Variants in DOK4 observed in about 807,000 individuals in gnomAD.
The protein encoded by DOK4 is downstream of tyrosine kinase 4.
DOK4 carries 26 observed loss-of-function variants against 40.1 expected under a neutral mutation model. The observed-to-expected ratio is 0.65, with a 90% CI of 0.48 to 0.90. The LOEUF (loss-of-function observed/expected upper bound fraction) is 0.90. Among genes scored for constraint, DOK4 ranks in the 40% least tolerant of loss-of-function variants. DOK4 has a pLI of 0.00. For synonymous variants in DOK4, 179 were observed against 177.0 expected (o/e 1.01, Z -0.09); for missense variants, 392 against 437.2 (o/e 0.90, Z 0.92).
intron 4 of DOK4, 97 bp downstream of exon 4, chr16:57,475,409 T>C: frequency 7.2e-7 from 1 of 1,384,438 alleles, no homozygotes; most frequent in Non-Finnish European, 9.9e-7. Flanking sequence ...CACCACCATC[T>C]CCACCCAGGG....
In DOK4 at chr16:57,479,118, C is replaced by T. The variant is rs1460895777; in HGVS notation, c.66+324G>A. Reference sequence around the variant, plus strand: ...GACACAGCCCGGCCTTGCCAGCCGCCCCTGCTGCTGCTGTGGTGACAACTT... The same window carrying T: ...GACACAGCCCGGCCTTGCCAGCCGCTCCTGCTGCTGCTGTGGTGACAACTT... On this transcript the variant is annotated intron_variant, in intron 2 of 8. Coordinates refer to ENST00000340099, the Ensembl canonical transcript of DOK4. This position sits in a 1 kb window ranked among gnomAD's most constrained non-coding sequence, Gnocchi z 5.8. 2.6e-5 allele frequency among the ~76,000 whole-genome samples: 4 copies of T among 152,188 alleles called. No homozygotes were observed. Among genetic ancestry groups the T allele is most frequent in the Admixed American group, 6.5e-5 (1 of 15,288 alleles).
Position 57,479,373 on chromosome 16 carries a change from C to A in DOK4, c.66+69G>T, listed in dbSNP as rs1232687490. On this transcript the variant is annotated intron_variant, in intron 2 of 8. Transcript: ENST00000340099. The surrounding 1 kb of genome is among the most constrained non-coding windows in gnomAD (Gnocchi z 5.8). ...CCGCGTGCCCCACGCGCCATGCCTC[C>A]AAGCCTGGGACCGAGTCCTCGGGCC... is the stretch of plus-strand genomic sequence containing the variant. The A allele has an allele frequency of 4.4e-6, 7 of 1,577,362 alleles. No individual in the cohort carries two copies. Among genetic ancestry groups the A allele is most frequent in the Non-Finnish European group, 5.2e-6 (6 of 1,154,844 alleles).
intron 1 of DOK4, among the ~76,000 whole-genome samples, chr16:57,482,337 A>G (rs2146667215): frequency 6.7e-6 from 1 of 149,020 alleles, no homozygotes; most frequent in Non-Finnish European, 1.5e-5. Context: ...AATTTTTAAA[A>G]ACTTGTTTGT....
exon 9 of DOK4, chr16:57,473,245 G>A: frequency 2.2e-6 from 3 of 1,357,290 alleles, no homozygotes; most frequent in Non-Finnish European, 2.0e-6. Context: ...ATCCTTGGGG[G>A]CAAGGAGGGG....
intron 2 of DOK4, among the ~76,000 whole-genome samples, chr16:57,477,496 A>G (rs1046028226): frequency 2.6e-5 from 4 of 152,244 alleles, no homozygotes; most frequent in Non-Finnish European, 5.9e-5. Flanking sequence ...GGATGGATGA[A>G]TGGATGGATG....
chr16:57,485,261 C>T lies in DOK4; in HGVS notation c.-182+1044G>A, dbSNP rs778888962. 7.9e-5 allele frequency among the ~76,000 whole-genome samples: 12 copies of T among 152,222 alleles called. No individual in the cohort carries two copies. The highest frequency in any genetic ancestry group is 1.8e-4 in the Non-Finnish European group (12 of 68,036). On this transcript the variant is annotated intron_variant, in intron 1 of 8. Coordinates refer to ENST00000340099, the Ensembl canonical transcript of DOK4. The surrounding 1 kb of genome is among the most constrained non-coding windows in gnomAD (Gnocchi z 4.3). ...GACATCGAGGCCAGGCCTAGTTGGG[C>T]GGCCCCACCTTGGCCAGGGTTGTGG...
chr16:57,474,849 G>C (rs2031068768), exon 6 of DOK4: 1 of 1,614,208 alleles, frequency 6.2e-7, no homozygotes, highest in Non-Finnish European at 8.5e-7. Context: ...GCAGTGAGCA[G>C]AGGGGCCACG....
At chr16:57,475,300 G>A in intron 4 of DOK4, 81 bp from the exon 5 acceptor site, 7 of 1,562,550 alleles carry the variant, frequency 4.5e-6, no homozygotes, top group South Asian at 1.2e-5. Context: ...ATGCCACCAT[G>A]CACAGCAGGG....
chr16:57,474,953 G>C (rs2031075355), exon 6 of DOK4: 3 of 1,612,536 alleles, frequency 1.9e-6, no homozygotes, highest in Non-Finnish European at 2.5e-6. Flanking sequence ...TCCAGGTTGG[G>C]GCAGGGCAGC....
intron 1 of DOK4, among the ~76,000 whole-genome samples, chr16:57,483,064 T>A (rs1184341483): frequency 6.6e-6 from 1 of 152,166 alleles, no homozygotes; most frequent in African/African-American, 2.4e-5. Context: ...ACTCCGGCCC[T>A]GAGTCACAGG....
intron 2 of DOK4, chr16:57,476,299 GCA>G (rs772971179): frequency 7.0e-6 from 2 of 286,246 alleles, no homozygotes; most frequent in Non-Finnish European, 1.4e-5. Context: ...TTAGCACTGT[GCA>G]CAGTCTCAGG....
chr16:57,478,874 G>A (rs571586159), intron 2 of DOK4, among the ~76,000 whole-genome samples: 34 of 151,514 alleles, frequency 2.2e-4, no homozygotes, highest in South Asian at 1.3e-3. Flanking sequence ...ACACCACCCC[G>A]TCTCGCCCAG....
rs375566510 is a variant in DOK4, at chr16:57,479,532, G to A, written c.-25C>T. The A allele has an allele frequency of 1.3e-4, 202 of 1,612,426 alleles. No homozygotes were observed. In the African/African-American group the frequency reaches 1.7e-3, roughly 14 times the overall value. On this transcript the variant is annotated 5_prime_UTR_variant, in exon 2 of 9. Transcript: ENST00000340099. This position sits in a 1 kb window ranked among gnomAD's most constrained non-coding sequence, Gnocchi z 5.8. ...TGGTTTTCCCACCTTTTAGGGGCGC[G>A]GGGCCTGGCAGAGGCGAGGGGAAGG...
intron 1 of DOK4, among the ~76,000 whole-genome samples, chr16:57,484,753 T>C (rs1233997675): frequency 6.6e-6 from 1 of 152,200 alleles, no homozygotes; most frequent in African/African-American, 2.4e-5. Context: ...CCAGGAGGCC[T>C]TCCCTGACTA....
exon 4 of DOK4, chr16:57,475,560 C>T (rs1462395582): frequency 6.2e-7 from 1 of 1,610,310 alleles, no homozygotes; most frequent in East Asian, 2.2e-5. Context: ...ATGGCCACCG[C>T]CTGCCGCTTG....
intron 1 of DOK4, among the ~76,000 whole-genome samples, chr16:57,484,831 A>G (rs1192276491): frequency 9.2e-5 from 14 of 152,190 alleles, no homozygotes; most frequent in Non-Finnish European, 5.9e-5. Context: ...TTCATCGCAC[A>G]TCACCATGGG....
exon 9 of DOK4, chr16:57,473,256 G>T: frequency 2.1e-6 from 3 of 1,409,300 alleles, no homozygotes; most frequent in Non-Finnish European, 2.8e-6. Flanking sequence ...CAAGGAGGGG[G>T]CAGCTTGCTC....
Position 57,479,109 on chromosome 16 carries a change from G to T in DOK4, c.66+333C>A, listed in dbSNP as rs2031311487. Among the ~76,000 whole-genome samples the T allele has an allele frequency of 2.0e-5, 3 of 152,180 alleles. No individual in the cohort carries two copies. Reference sequence around the variant, plus strand: ...CTCAGCTCAGACACAGCCCGGCCTTGCCAGCCGCCCCTGCTGCTGCTGTGG... The same window carrying T: ...CTCAGCTCAGACACAGCCCGGCCTTTCCAGCCGCCCCTGCTGCTGCTGTGG... On this transcript the variant is annotated intron_variant, in intron 2 of 8. Transcript: ENST00000340099. This position sits in a 1 kb window ranked among gnomAD's most constrained non-coding sequence, Gnocchi z 5.8.
rs372133296 is a variant in DOK4 at position 57,475,156 on chromosome 16, T to A, written c.353A>T (p.Asp118Val). 4 of 1,613,830 alleles carry A rather than the reference T, an allele frequency of 2.5e-6. No homozygotes were observed. The highest frequency in any genetic ancestry group is 1.3e-5 in the African/African-American group (1 of 74,838). The change falls in exon 5 of 9, where the codon GAC becomes GTC. Residue 118 changes from aspartate to valine, a missense_variant. Transcript: ENST00000340099. ...GAGGTCAGGTTCTCCCAGACTGATGTCGTTGAGGCGGGACCCCAGACACTC... is the reference window on the plus strand; with the variant it reads ...GAGGTCAGGTTCTCCCAGACTGATGACGTTGAGGCGGGACCCCAGACACTC...
Sources: allele counts gnomAD v4.1 joint callset (sites outside exome capture counted in the v4.1 genomes callset), GRCh38; gene constraint gnomAD v4.1.1; non-coding constraint Gnocchi (gnomAD v3.1); transcripts MANE v1.5; gene names NCBI Gene and HGNC (gene_info 2026-07-23, HGNC 2026-07-21).